SEMA3C: variants seen among roughly 807,000 people sequenced by gnomAD.
The protein encoded by SEMA3C is semaphorin 3C.
A neutral mutation model predicts 89.4 loss-of-function variants in SEMA3C; 47 were observed. The observed-to-expected ratio is 0.53, with a 90% CI of 0.42 to 0.67. The LOEUF (loss-of-function observed/expected upper bound fraction) is 0.67. SEMA3C is among the 30% of genes least tolerant of loss of function. The probability of loss-of-function intolerance (pLI) is 0.00; values close to 1 mark genes in which losing one functional copy is unlikely to be tolerated. For synonymous variants in SEMA3C, 310 were observed against 320.2 expected, an observed-to-expected ratio of 0.97 and a Z score of 0.34; for missense variants, 839 against 929.1, an observed-to-expected ratio of 0.90 and a Z score of 1.26.
chr7:80,762,609 C>A (rs1480101422), intron 13 of SEMA3C, among the ~76,000 whole-genome samples: 2 of 152,092 alleles, frequency 1.3e-5, no homozygotes, highest in Non-Finnish European at 2.9e-5. Context: ...ACCCTGAGGT[C>A]AGGAGTTCGA....
chr7:80,746,983 TA>T lies in SEMA3C; in HGVS notation c.1843-1677del, dbSNP rs1302857609. ...GTGAGCTTTTATCATTTGTCTTACT[TA>T]AAAAAATGATTAATGTTTACACAGT... On this transcript the variant is annotated intron_variant, in intron 17 of 17. Coordinates refer to ENST00000265361, the MANE Select transcript of SEMA3C (RefSeq NM_006379.5). Among the ~76,000 whole-genome samples the T allele has an allele frequency of 5.3e-5, 8 of 150,322 alleles. No homozygotes were observed. In the East Asian group the frequency reaches 5.9e-4, roughly 11 times the overall value.
chr7:80,922,031 T>C (rs1480159854), upstream of SEMA3C, among the ~76,000 whole-genome samples: 1 of 152,192 alleles, frequency 6.6e-6, no homozygotes, highest in African/African-American at 2.4e-5. Flanking sequence ...AAAATTGTCT[T>C]ATTATTTAGT....
chr7:80,761,068 T>A (rs971321236), intron 14 of SEMA3C, among the ~76,000 whole-genome samples: 2 of 152,170 alleles, frequency 1.3e-5, no homozygotes, highest in African/African-American at 4.8e-5. Context: ...GGATTTCAAT[T>A]ACAATCAAAT....
chr7:80,922,372 T>C (rs12154785), upstream of SEMA3C: 50,754 of 1,095,448 alleles, frequency 0.046, 1,612 homozygotes, highest in South Asian at 0.11. Context: ...CTTTGGAAAG[T>C]CTCAACTTCC....
Position 80,745,124 on chromosome 7 carries a change from G to C in SEMA3C, c.2026C>G (p.Pro676Ala), listed in dbSNP as rs1468678384. Residue 676 changes from proline (P) to alanine (A), a missense_variant, in exon 18 of 18, where the codon CCA becomes GCA. Coordinates refer to ENST00000265361, the MANE Select transcript of SEMA3C (RefSeq NM_006379.5). The part of the protein sequence containing the change: ...MVAVVTDKWS[P>A]WTWASSVRAL... ...CTCACAGAGCTGGCCCAGGTCCATG[G>C]GGACCATTTGTCCGTCACAACAGCC... 1 of 1,613,852 alleles carries C rather than the reference G, an allele frequency of 6.2e-7. No individual in the cohort carries two copies. Among genetic ancestry groups the C allele is most frequent in the Admixed American group, 1.7e-5 (1 of 59,936 alleles).
chr7:80,856,696 C>G (rs1247147580), intron 2 of SEMA3C, among the ~76,000 whole-genome samples: 1 of 151,888 alleles, frequency 6.6e-6, no homozygotes, highest in Non-Finnish European at 1.5e-5. Context: ...AACATTATTT[C>G]ATTATCTTAC....
chr7:80,756,060 G>T (rs1484621517), intron 15 of SEMA3C, among the ~76,000 whole-genome samples: 1 of 152,098 alleles, frequency 6.6e-6, no homozygotes, highest in African/African-American at 2.4e-5. Context: ...TCCAGCCCAG[G>T]CCACTCCTCT....
chr7:80,862,665 G>A (rs1790800719), intron 2 of SEMA3C, among the ~76,000 whole-genome samples: 1 of 152,098 alleles, frequency 6.6e-6, no homozygotes, highest in Admixed American at 6.5e-5. Flanking sequence ...AACAAATCTT[G>A]AGGAATCACT....
intron 2 of SEMA3C, among the ~76,000 whole-genome samples, chr7:80,841,412 A>C (rs1266660327): frequency 2.0e-5 from 3 of 152,196 alleles, no homozygotes; most frequent in African/African-American, 4.8e-5. Flanking sequence ...CCTGTCAGTT[A>C]AAAGGACTGT....
intron 2 of SEMA3C, among the ~76,000 whole-genome samples, chr7:80,841,091 C>G (rs1433051193): frequency 1.3e-5 from 2 of 151,988 alleles, no homozygotes; most frequent in Non-Finnish European, 2.9e-5. Context: ...CAGAAAGATC[C>G]AAATTTCTTG....
chr7:80,818,968 G>C (rs1333550316), intron 4 of SEMA3C, among the ~76,000 whole-genome samples: 1 of 152,020 alleles, frequency 6.6e-6, no homozygotes, highest in African/African-American at 2.4e-5. Context: ...TATTTGCCAG[G>C]GTATAGTCAA....
At chr7:80,860,293 AC>A (rs1164262268) in intron 2 of SEMA3C, among the ~76,000 whole-genome samples, 1 of 152,090 alleles carries the variant, frequency 6.6e-6, no homozygotes, top group Non-Finnish European at 1.5e-5. Context: ...AAGATTATAA[AC>A]CTTCTCCTAA....
In SEMA3C at chr7:80,804,028, T is replaced by C. The variant is rs536542086; in HGVS notation, c.801+78A>G. ...CAATATTTTATTTATTTGTAATGGT[T>C]GATAATAAAAGCACGGAGATAAACC... On this transcript the variant is annotated intron_variant, in intron 8 of 17. Coordinates refer to ENST00000265361, the MANE Select transcript of SEMA3C (RefSeq NM_006379.5). 2.5e-4 allele frequency: 328 copies of C among 1,298,122 alleles called. 1 individual carries two copies. Among genetic ancestry groups the C allele is most frequent in the South Asian group, 2.7e-4 (15 of 54,860 alleles). The allele number at this position is 1,298,122 out of a possible 1,614,324, so 80.4% of individuals were successfully genotyped here. A position where few individuals can be genotyped will look rare whatever the true frequency, so the allele number is the denominator to read the frequency against.
intron 5 of SEMA3C, among the ~76,000 whole-genome samples, chr7:80,813,893 T>C (rs999219079): frequency 6.6e-6 from 1 of 152,196 alleles, no homozygotes; most frequent in Non-Finnish European, 1.5e-5. Context: ...GAAACACTTA[T>C]TGATAAGATC....
In SEMA3C at chr7:80,898,379, A is replaced by G. The variant is rs575347368; in HGVS notation, c.103+18300T>C. ...AGATTTTGTCTCAAAACAAACAAAC[A>G]AACAACAGAAAAATATAAATCTAAG... On this transcript the variant is annotated intron_variant, in intron 2 of 17. Coordinates refer to ENST00000265361, the MANE Select transcript of SEMA3C (RefSeq NM_006379.5). 8.6e-5 allele frequency among the ~76,000 whole-genome samples: 13 copies of G among 151,152 alleles called. No homozygotes were observed. The South Asian group carries it at 2.7e-3, about 32-fold the overall frequency.
At chr7:80,786,352 C>T (rs1456217511) in intron 12 of SEMA3C, among the ~76,000 whole-genome samples, 3 of 150,984 alleles carry the variant, frequency 2.0e-5, no homozygotes, top group African/African-American at 7.3e-5. Flanking sequence ...ATGAACTCTA[C>T]ATCTTTTATG....
intron 4 of SEMA3C, among the ~76,000 whole-genome samples, chr7:80,826,023 T>C (rs1461191001): frequency 1.3e-5 from 2 of 152,120 alleles, no homozygotes; most frequent in Admixed American, 6.5e-5. Context: ...TCCTGCCCAC[T>C]TTTAAATTTT....
intron 2 of SEMA3C, among the ~76,000 whole-genome samples, chr7:80,892,367 TTTG>T (rs1791635629): frequency 6.6e-6 from 1 of 152,264 alleles, no homozygotes; most frequent in African/African-American, 2.4e-5. Context: ...TAGGAATTTC[TTTG>T]TTTTTTTCTA....
chr7:80,921,797 A>G (rs1792413980), upstream of SEMA3C, among the ~76,000 whole-genome samples: 1 of 152,172 alleles, frequency 6.6e-6, no homozygotes, highest in African/African-American at 2.4e-5. Context: ...GCCAAGGTGT[A>G]GTGGGCATAT....
Sources: gnomAD v4.1 joint callset for allele counts (sites outside exome capture counted in the v4.1 genomes callset) on GRCh38, gnomAD v4.1.1 for gene constraint, MANE v1.5 for transcripts, NCBI Gene and HGNC (gene_info 2026-07-23, HGNC 2026-07-21) for gene names.